The following EPHA6 variants were observed in gnomAD, a reference collection of about 807,000 sequenced individuals.
EPHA6 encodes EPH receptor A6, also known as ephrin type-A receptor 6.
A neutral mutation model predicts 112.0 loss-of-function variants in EPHA6; 50 were observed. That is an observed-to-expected ratio of 0.45 (90% CI 0.36 to 0.56). The LOEUF (loss-of-function observed/expected upper bound fraction) is 0.56. EPHA6 is among the 20% of genes least tolerant of loss of function. EPHA6 has a pLI of 0.00. For missense variants in EPHA6, 1,280 were observed against 1,417.4 expected, an observed-to-expected ratio of 0.90 and a Z score of 1.56; for synonymous variants, 529 against 490.7, an observed-to-expected ratio of 1.08 and a Z score of -1.03.
At chr3:97,617,770 G>A (rs949043581) in intron 13 of EPHA6, among the ~76,000 whole-genome samples, 2 of 152,180 alleles carry the variant, frequency 1.3e-5, no homozygotes, top group Non-Finnish European at 2.9e-5. Context: ...GGAGCGCTCA[G>A]ATTCATAAAG....
intron 2 of EPHA6, among the ~76,000 whole-genome samples, chr3:96,940,383 A>T (rs1005667473): frequency 1.9e-4 from 29 of 152,030 alleles, no homozygotes; most frequent in Non-Finnish European, 2.8e-4. Context: ...TATCTTTGTT[A>T]GTTTAAAGTC....
intron 5 of EPHA6, among the ~76,000 whole-genome samples, chr3:97,352,244 G>T (rs1244666940): frequency 6.6e-6 from 1 of 151,982 alleles, no homozygotes; most frequent in African/African-American, 2.4e-5. Flanking sequence ...GAACAAGATG[G>T]CCAAATAGAA....
intron 5 of EPHA6, 71 bp downstream of exon 5, chr3:97,244,358 A>G (rs2078928658): frequency 1.5e-6 from 2 of 1,319,674 alleles, no homozygotes; most frequent in Non-Finnish European, 2.2e-6. Flanking sequence ...CCTCATGGGC[A>G]TGTATTTATT....
chr3:96,976,477 C>A (rs762506446), intron 2 of EPHA6, among the ~76,000 whole-genome samples: 4 of 151,970 alleles, frequency 2.6e-5, no homozygotes, highest in Non-Finnish European at 5.9e-5. Context: ...GTAGAGGTGA[C>A]AAAGTACTTT....
At chr3:97,021,436 C>T (rs1559674684) in intron 3 of EPHA6, among the ~76,000 whole-genome samples, 1 of 152,112 alleles carries the variant, frequency 6.6e-6, no homozygotes, top group Non-Finnish European at 1.5e-5. Context: ...TTAGAACTCT[C>T]GAAATTTCTT....
At chr3:96,992,274 T>A (rs952356650) in intron 3 of EPHA6, among the ~76,000 whole-genome samples, 27 of 152,180 alleles carry the variant, frequency 1.8e-4, no homozygotes, top group Non-Finnish European at 3.5e-4. Context: ...TCTTCCAGCC[T>A]CTACTCACAA....
intron 3 of EPHA6, among the ~76,000 whole-genome samples, chr3:97,130,716 TA>T (rs1418189769): frequency 1.3e-5 from 2 of 152,162 alleles, no homozygotes; most frequent in Non-Finnish European, 2.9e-5. Context: ...ATTAGGGGAA[TA>T]TTAAGGAATG....
In EPHA6 at chr3:97,492,564, A is replaced by C. The variant is rs868349534; in HGVS notation, c.2200+8505A>C. ...CTCAGTCTCAAAAAAAAAAAAAAAA[A>C]AAAAAAAAAAAAAAAAAAAAAAAAA... is the stretch of plus-strand genomic sequence containing the variant. On this transcript the variant is annotated intron_variant, in intron 10 of 17. Transcript: ENST00000389672. Among the ~76,000 whole-genome samples, 216 of 85,736 alleles carry C rather than the reference A, an allele frequency of 2.5e-3. 5 individuals carry two copies. The highest frequency in any genetic ancestry group is 0.01 in the African/African-American group (187 of 18,550). 56.2% of individuals were successfully genotyped at this position (85,736 alleles called of 152,430 possible).
At chr3:97,640,402 G>A (rs1437126755) in intron 14 of EPHA6, among the ~76,000 whole-genome samples, 1 of 152,162 alleles carries the variant, frequency 6.6e-6, no homozygotes, top group African/African-American at 2.4e-5. Context: ...GAAGGTTTTT[G>A]TATAGCAACT....
chr3:97,379,586 T>TAAAAATACA (rs2085590738), intron 5 of EPHA6, among the ~76,000 whole-genome samples: 1 of 151,202 alleles, frequency 6.6e-6, no homozygotes, highest in Admixed American at 6.6e-5. Context: ...TCATCTCTAT[T>TAAAAATACA]AAAAATACAA....
At chr3:96,986,868 A>G (rs2043041253) in intron 2 of EPHA6, among the ~76,000 whole-genome samples, 1 of 152,224 alleles carries the variant, frequency 6.6e-6, no homozygotes, top group Non-Finnish European at 1.5e-5. Context: ...AAAACACACC[A>G]CAATTTGTGG....
At chr3:97,599,809 C>T (rs1165930192) in intron 12 of EPHA6, among the ~76,000 whole-genome samples, 5 of 151,772 alleles carry the variant, frequency 3.3e-5, no homozygotes, top group Non-Finnish European at 7.4e-5. Flanking sequence ...TGAAGAAAGT[C>T]ATTGGTAGCT....
intron 5 of EPHA6, among the ~76,000 whole-genome samples, chr3:97,284,617 A>T (rs1038242266): frequency 6.6e-6 from 1 of 152,154 alleles, no homozygotes; most frequent in Non-Finnish European, 1.5e-5. Flanking sequence ...CTAAGAGTAC[A>T]CTCATTTCTA....
chr3:96,972,276 A>G (rs2042343483), intron 2 of EPHA6, among the ~76,000 whole-genome samples: 1 of 152,132 alleles, frequency 6.6e-6, no homozygotes, highest in Non-Finnish European at 1.5e-5. Flanking sequence ...TTTTTAGTCT[A>G]TAACTGGGAT....
intron 11 of EPHA6, among the ~76,000 whole-genome samples, chr3:97,584,859 T>C (rs529571343): frequency 6.6e-6 from 1 of 152,326 alleles, no homozygotes; most frequent in African/African-American, 2.4e-5. Flanking sequence ...TAAACCAATA[T>C]GTTTATTATT....
At chr3:97,174,746 T>C (rs146974160) in intron 3 of EPHA6, among the ~76,000 whole-genome samples, 83 of 151,994 alleles carry the variant, frequency 5.5e-4, no homozygotes, top group African/African-American at 1.9e-3. Context: ...CAGATTATTA[T>C]AGTTTTTTTC....
At chr3:97,239,188 T>C (rs1280175625) in intron 4 of EPHA6, among the ~76,000 whole-genome samples, 1 of 151,934 alleles carries the variant, frequency 6.6e-6, no homozygotes, top group Non-Finnish European at 1.5e-5. Context: ...TTTGAAAACT[T>C]AAGTTTCAGT....
At chr3:97,455,852 CA>C (rs569727647) in intron 7 of EPHA6, among the ~76,000 whole-genome samples, 2,521 of 125,822 alleles carry the variant, frequency 0.02, 61 homozygotes, top group African/African-American at 0.063. Flanking sequence ...ACTGAATTGA[CA>C]AAAAAAAAAA....
chr3:97,486,048 A>G (rs1319882669), intron 10 of EPHA6, among the ~76,000 whole-genome samples: 1 of 152,218 alleles, frequency 6.6e-6, no homozygotes, highest in Admixed American at 6.5e-5. Context: ...TAAAATATAA[A>G]TTGTTCTCTT....
Sources: allele counts gnomAD v4.1 joint callset (sites outside exome capture counted in the v4.1 genomes callset), GRCh38; gene constraint gnomAD v4.1.1; transcripts MANE v1.5; gene names NCBI Gene and HGNC (gene_info 2026-07-23, HGNC 2026-07-21).